Variants in SYNPR observed in about 807,000 individuals in gnomAD.
SYNPR encodes synaptoporin.
In SYNPR, 23 loss-of-function variants were observed where a neutral mutation model predicts 32.9. The ratio of observed to expected loss-of-function variants is 0.70; its 90% CI spans 0.50 to 0.99. The LOEUF is 0.99. SYNPR is among the 50% of genes least tolerant of loss of function. The pLI, the probability that SYNPR is intolerant of heterozygous loss-of-function variation, is 0.00. For synonymous variants in SYNPR, 146 were observed against 135.9 expected, an observed-to-expected ratio of 1.07 and a Z score of -0.52; for missense variants, 318 against 349.3, an observed-to-expected ratio of 0.91 and a Z score of 0.71.
chr3:63,599,290 T>C (rs1187638125), intron 4 of SYNPR, among the ~76,000 whole-genome samples: 1 of 152,200 alleles, frequency 6.6e-6, no homozygotes, highest in African/African-American at 2.4e-5. Context: ...TCTACAGTAG[T>C]GCACAATAAT....
intron 2 of SYNPR, among the ~76,000 whole-genome samples, chr3:63,347,055 G>A (rs1237991492): frequency 6.6e-6 from 1 of 152,032 alleles, no homozygotes; most frequent in Non-Finnish European, 1.5e-5. Flanking sequence ...TAATACTAGG[G>A]CTTACCTCAC....
chr3:63,434,152 G>C (rs967426439), intron 2 of SYNPR, among the ~76,000 whole-genome samples: 1 of 152,114 alleles, frequency 6.6e-6, no homozygotes, highest in African/African-American at 2.4e-5. Context: ...TCCTACCCAC[G>C]CCTTATTTTA....
intron 2 of SYNPR, among the ~76,000 whole-genome samples, chr3:63,447,410 A>G (rs900998060): frequency 6.6e-6 from 1 of 152,168 alleles, no homozygotes; most frequent in Admixed American, 6.6e-5. Flanking sequence ...AAACATATTG[A>G]TCATTAAGCA....
At chr3:63,588,435 T>A (rs561448917) in intron 4 of SYNPR, among the ~76,000 whole-genome samples, 1 of 152,204 alleles carries the variant, frequency 6.6e-6, no homozygotes, top group East Asian at 1.9e-4. Flanking sequence ...AATGCCCAGA[T>A]GTTTTGTGTC....
the SYNPR span, among the ~76,000 whole-genome samples, chr3:63,211,508 T>A: frequency 6.6e-6 from 1 of 152,222 alleles, no homozygotes; most frequent in Non-Finnish European, 1.5e-5. Flanking sequence ...CTCTATAGGC[T>A]AATCCTGCTA....
chr3:63,339,445 T>C (rs1318608186), intron 2 of SYNPR, among the ~76,000 whole-genome samples: 2 of 152,238 alleles, frequency 1.3e-5, no homozygotes, highest in African/African-American at 4.8e-5. Context: ...CAGTTTTTCC[T>C]GATGTTAATG....
intron 2 of SYNPR, among the ~76,000 whole-genome samples, chr3:63,412,023 G>T (rs1420065964): frequency 2.0e-5 from 3 of 152,070 alleles, no homozygotes; most frequent in Non-Finnish European, 4.4e-5. Flanking sequence ...TACTAGATCA[G>T]GATACAGAAC....
At chr3:63,465,496 C>G (rs1026262732) in intron 2 of SYNPR, among the ~76,000 whole-genome samples, 3 of 151,858 alleles carry the variant, frequency 2.0e-5, no homozygotes, top group Non-Finnish European at 4.4e-5. Flanking sequence ...TATATATTCA[C>G]TTATAGATTG....
intron 2 of SYNPR, among the ~76,000 whole-genome samples, chr3:63,293,690 C>T (rs2086764418): frequency 6.6e-6 from 1 of 152,154 alleles, no homozygotes; most frequent in Non-Finnish European, 1.5e-5. Context: ...TCATGCCTCT[C>T]TGTAACTTCT....
Position 63,591,199 on chromosome 3 carries a change from T to G in SYNPR, c.409-17926T>G, listed in dbSNP as rs1239023709. Among the ~76,000 whole-genome samples the G allele has an allele frequency of 1.0e-4, 15 of 145,152 alleles. 1 individual carries two copies. The highest frequency in any genetic ancestry group is 8.1e-4 in the Admixed American group (12 of 14,732). On this transcript the variant is annotated intron_variant, in intron 4 of 5. Coordinates refer to ENST00000478300, the MANE Select transcript of SYNPR (RefSeq NM_001130003.2). ...GACATTTATGCAGCCAAAAAACACA[T>G]GAAAAAATGCTCATCATCACTGGCC...
chr3:63,484,870 A>T (rs534965666), intron 3 of SYNPR, among the ~76,000 whole-genome samples: 1 of 152,328 alleles, frequency 6.6e-6, no homozygotes, highest in South Asian at 2.1e-4. Flanking sequence ...CAAGGACAAA[A>T]GTGATAAAGT....
chr3:63,441,870 A>G (rs1700184349), intron 2 of SYNPR, among the ~76,000 whole-genome samples: 1 of 152,104 alleles, frequency 6.6e-6, no homozygotes. Flanking sequence ...TGTAGGTGAA[A>G]GCACTGCCTT....
chr3:63,288,333 T>G (rs1298350867), intron 2 of SYNPR, among the ~76,000 whole-genome samples: 2 of 152,200 alleles, frequency 1.3e-5, no homozygotes, highest in Non-Finnish European at 2.9e-5. Context: ...ACAGACCCAG[T>G]GAGAAGTGTA....
chr3:63,511,332 C>T (rs1399994807), intron 3 of SYNPR, among the ~76,000 whole-genome samples: 5 of 152,034 alleles, frequency 3.3e-5, no homozygotes, highest in Admixed American at 3.3e-4. Flanking sequence ...CATAGTTTGC[C>T]CCACTGTGCC....
intron 4 of SYNPR, among the ~76,000 whole-genome samples, chr3:63,576,560 G>A (rs933323601): frequency 1.3e-5 from 2 of 152,038 alleles, no homozygotes; most frequent in African/African-American, 2.4e-5. Context: ...GGGAGGCTGA[G>A]GCAGGCGGAT....
intron 2 of SYNPR, among the ~76,000 whole-genome samples, chr3:63,309,152 A>G (rs2086936762): frequency 6.6e-6 from 1 of 152,000 alleles, no homozygotes. Context: ...TCTATTTTCA[A>G]CTTCAGAAAT....
intron 2 of SYNPR, among the ~76,000 whole-genome samples, chr3:63,329,314 C>T (rs1222486791): frequency 6.6e-6 from 1 of 151,884 alleles, no homozygotes; most frequent in African/African-American, 2.4e-5. Flanking sequence ...TCTTCTTAGC[C>T]CTATTTTACG....
the SYNPR span, among the ~76,000 whole-genome samples, chr3:63,204,279 T>G: frequency 6.6e-6 from 1 of 152,206 alleles, no homozygotes; most frequent in Non-Finnish European, 1.5e-5. Context: ...CCGAAGACTC[T>G]AGGGTTGGGG....
intron 2 of SYNPR, chr3:63,423,680 T>G (rs1258459975): frequency 6.6e-6 from 1 of 152,280 alleles, no homozygotes; most frequent in Non-Finnish European, 1.5e-5. Flanking sequence ...GGAGGAATCA[T>G]TGGTTCTGGA....
Sources: allele counts gnomAD v4.1 joint callset (sites outside exome capture counted in the v4.1 genomes callset), GRCh38; gene constraint gnomAD v4.1.1; transcripts MANE v1.5; gene names NCBI Gene and HGNC (gene_info 2026-07-23, HGNC 2026-07-21).